Variants in ERC2 observed in about 807,000 individuals in gnomAD.
The protein encoded by ERC2 is ELKS/RAB6-interacting/CAST family member 2.
Under a neutral mutation model 114.8 loss-of-function variants are expected in ERC2, and 42 were observed. That is an observed-to-expected ratio of 0.37 (90% CI 0.29 to 0.47). ERC2 has a LOEUF of 0.47. ERC2 is among the 20% of genes least tolerant of loss of function. The pLI is 0.99. For synonymous variants in ERC2, 454 were observed against 425.5 expected (o/e 1.07, Z -0.82); for missense variants, 939 against 1,150.7 (o/e 0.82, Z 2.66).
At chr3:56,080,531 T>C (rs114958223) in intron 7 of ERC2, among the ~76,000 whole-genome samples, 2 of 152,312 alleles carry the variant, frequency 1.3e-5, no homozygotes, top group Non-Finnish European at 2.9e-5. Flanking sequence ...GGACCTTTGG[T>C]TATTTTAGAT....
intron 6 of ERC2, among the ~76,000 whole-genome samples, chr3:56,125,397 T>C (rs537345957): frequency 6.6e-6 from 1 of 152,222 alleles, no homozygotes; most frequent in African/African-American, 2.4e-5. Flanking sequence ...CTGATACCAA[T>C]GTGGGTAAAA....
intron 3 of ERC2, among the ~76,000 whole-genome samples, chr3:56,224,907 C>T (rs1157695902): frequency 6.6e-6 from 1 of 152,150 alleles, no homozygotes; most frequent in Non-Finnish European, 1.5e-5. Flanking sequence ...TGGCAGGTGA[C>T]CCAGAGTTAA....
intron 17 of ERC2, among the ~76,000 whole-genome samples, chr3:55,666,585 A>G (rs2061365129): frequency 6.6e-6 from 1 of 152,136 alleles, no homozygotes; most frequent in African/African-American, 2.4e-5. Flanking sequence ...GTTGCCCCCC[A>G]GGGGACATTC....
chr3:56,204,229 A>G (rs2150104097), intron 3 of ERC2, among the ~76,000 whole-genome samples: 1 of 152,270 alleles, frequency 6.6e-6, no homozygotes, highest in Admixed American at 6.5e-5. Context: ...CTTTGAGTGC[A>G]TCAGGTTGCT....
chr3:56,248,938 T>C lies in ERC2; in HGVS notation c.1074+47081A>G, dbSNP rs117071698. On this transcript the variant is annotated intron_variant, in intron 3 of 17. Coordinates refer to ENST00000288221, the MANE Select transcript of ERC2 (RefSeq NM_015576.3). ...TTTATGTTATTTATTTTCATGAGTT[T>C]TAGACAAGATCTTTTTTAGCACATT... Among the ~76,000 whole-genome samples, 61 of 152,368 alleles carry C rather than the reference T, an allele frequency of 4.0e-4. No individual in the cohort carries two copies. The East Asian group carries it at 0.011, about 27-fold the overall frequency.
intron 14 of ERC2, among the ~76,000 whole-genome samples, chr3:55,771,404 G>A (rs1416109159): frequency 6.6e-6 from 1 of 152,218 alleles, no homozygotes; most frequent in Non-Finnish European, 1.5e-5. Context: ...TTATCTCACT[G>A]AGTCTTCACG....
At chr3:56,090,725 G>A (rs1451804037) in intron 6 of ERC2, among the ~76,000 whole-genome samples, 57 of 147,886 alleles carry the variant, frequency 3.9e-4, no homozygotes, top group Non-Finnish European at 4.6e-4. Flanking sequence ...GTCTTCTAGA[G>A]TACGCATCAC....
At chr3:55,958,695 A>G (rs1247702411) in intron 12 of ERC2, among the ~76,000 whole-genome samples, 1 of 152,202 alleles carries the variant, frequency 6.6e-6, no homozygotes, top group Non-Finnish European at 1.5e-5. Context: ...AGGAAGCTGG[A>G]GTGTCAGTGC....
At chr3:56,072,532 G>A (rs1430454071) in intron 7 of ERC2, 1 of 152,086 alleles carries the variant, frequency 6.6e-6, no homozygotes, top group Non-Finnish European at 1.5e-5. Flanking sequence ...CACTAACCTG[G>A]ATTATACTTT....
chr3:55,826,079 A>G (rs2060315836), intron 14 of ERC2, among the ~76,000 whole-genome samples: 1 of 152,094 alleles, frequency 6.6e-6, no homozygotes, highest in African/African-American at 2.4e-5. Flanking sequence ...TGCTACAAAA[A>G]CCGCAGAGCT....
chr3:55,610,544 C>CAT (rs2058866082), intron 17 of ERC2: 1 of 153,022 alleles, frequency 6.5e-6, no homozygotes. Flanking sequence ...CACACACACA[C>CAT]ACACAAAGTA....
rs1559689408 is a variant in ERC2 at position 55,808,731 on chromosome 3, ATATATATATAT to A, written c.2565-73824_2565-73814del. On this transcript the variant is annotated intron_variant, in intron 14 of 17. Coordinates refer to ENST00000288221, the MANE Select transcript of ERC2 (RefSeq NM_015576.3). ...TATATATATATATATATATATATAT[ATATATATATAT>A]AACGTATAACTAAACATATATATAT... Among the ~76,000 whole-genome samples, 62 of 116,622 alleles carry A rather than the reference ATATATATATAT, an allele frequency of 5.3e-4. 1 individual carries two copies. Among genetic ancestry groups the A allele is most frequent in the Middle Eastern group, 4.9e-3 (1 of 204 alleles). The allele number at this position is 116,622 out of a possible 152,430, so 76.5% of individuals were successfully genotyped here.
chr3:55,642,988 C>A (rs1178611858), intron 17 of ERC2, among the ~76,000 whole-genome samples: 1 of 152,060 alleles, frequency 6.6e-6, no homozygotes, highest in Non-Finnish European at 1.5e-5. Context: ...TTTATATTTT[C>A]ATGGGCAAAT....
At chr3:55,561,372 GGCT>G (rs1459838278) in intron 17 of ERC2, among the ~76,000 whole-genome samples, 1 of 152,128 alleles carries the variant, frequency 6.6e-6, no homozygotes, top group African/African-American at 2.4e-5. Context: ...ACCCCTCAGA[GGCT>G]GTGGGTGCAT....
intron 3 of ERC2, among the ~76,000 whole-genome samples, chr3:56,212,691 G>A (rs980857180): frequency 3.3e-5 from 5 of 152,014 alleles, no homozygotes; most frequent in Non-Finnish European, 5.9e-5. Context: ...GCAAAAATAT[G>A]GAACCAGCCC....
intron 14 of ERC2, among the ~76,000 whole-genome samples, chr3:55,883,770 C>A (rs554729067): frequency 4.5e-4 from 69 of 152,060 alleles, no homozygotes; most frequent in Non-Finnish European, 2.2e-4. Flanking sequence ...TGCCTGTAGT[C>A]CCAGCAGCTC....
chr3:56,418,098 C>T (rs1305455575), intron 2 of ERC2, among the ~76,000 whole-genome samples: 1 of 151,758 alleles, frequency 6.6e-6, no homozygotes, highest in African/African-American at 2.4e-5. Context: ...ACCAGCCTGG[C>T]CAACATAGCG....
At chr3:56,147,536 T>C (rs1052282586) in intron 5 of ERC2, among the ~76,000 whole-genome samples, 1 of 152,194 alleles carries the variant, frequency 6.6e-6, no homozygotes, top group African/African-American at 2.4e-5. Context: ...TTCCTCCCTA[T>C]AATTTGCAAA....
chr3:56,162,863 G>T (rs2082124930), intron 4 of ERC2, among the ~76,000 whole-genome samples: 2 of 151,846 alleles, frequency 1.3e-5, no homozygotes, highest in African/African-American at 4.8e-5. Flanking sequence ...GGTCTCAATT[G>T]TGTTCAGTTC....
Sources: allele counts gnomAD v4.1 joint callset (sites outside exome capture counted in the v4.1 genomes callset), GRCh38; gene constraint gnomAD v4.1.1; transcripts MANE v1.5; gene names NCBI Gene and HGNC (gene_info 2026-07-23, HGNC 2026-07-21).